The following RSPH14 variants were observed in gnomAD, a reference collection of about 807,000 sequenced individuals.
The protein encoded by RSPH14 is rhabdoid tumor deletion region gene 1.
RSPH14 carries 20 observed loss-of-function variants against 26.7 expected under a neutral mutation model. The ratio of observed to expected loss-of-function variants is 0.75; its 90% CI spans 0.53 to 1.09. RSPH14 has a LOEUF of 1.09. Ranked by LOEUF, RSPH14 falls within the 50% of genes least tolerant of loss-of-function variation. The pLI is 0.00. For synonymous variants in RSPH14, 177 were observed against 189.3 expected (o/e 0.93, Z 0.53); for missense variants, 449 against 457.2 (o/e 0.98, Z 0.16).
chr22:23,170,824 CAT>C, the RSPH14 span, among the ~76,000 whole-genome samples: 17 of 150,352 alleles, frequency 1.1e-4, no homozygotes, highest in Non-Finnish European at 1.2e-4. Context: ...GTTAGAATTT[CAT>C]ATATATATAT....
chr22:23,151,465 G>A, the RSPH14 span, among the ~76,000 whole-genome samples: 1 of 152,230 alleles, frequency 6.6e-6, no homozygotes, highest in South Asian at 2.1e-4. Context: ...CAGGTCACCA[G>A]GTGACACAGT....
the RSPH14 span, chr22:23,164,443 G>C: frequency 6.6e-6 from 1 of 152,208 alleles, no homozygotes; most frequent in Non-Finnish European, 1.5e-5. Flanking sequence ...GAAGAGTAAG[G>C]TCGCCACGGA....
At chr22:23,107,809 CG>C (rs1471195094) in intron 4 of RSPH14, among the ~76,000 whole-genome samples, 1 of 152,176 alleles carries the variant, frequency 6.6e-6, no homozygotes, top group East Asian at 1.9e-4. Context: ...GTTTTAAAGC[CG>C]GAAGAGCACC....
Position 23,071,747 on chromosome 22 carries a change from G to T in RSPH14, c.422-7614C>A, listed in dbSNP as rs548778418. 6.6e-6 allele frequency among the ~76,000 whole-genome samples: 1 copy of T among 152,188 alleles called. No individual in the cohort carries two copies. The highest frequency in any genetic ancestry group is 6.5e-5 in the Admixed American group (1 of 15,290). Reference sequence around the variant, plus strand: ...GGACCTCAGAGTGGTGTCCTGGGCTGGGGGGTCAGGTGAGCTCGTGGGCAA... The same window carrying T: ...GGACCTCAGAGTGGTGTCCTGGGCTTGGGGGTCAGGTGAGCTCGTGGGCAA... On this transcript the variant is annotated intron_variant, in intron 4 of 6. Coordinates refer to ENST00000216036, the MANE Select transcript of RSPH14 (RefSeq NM_014433.3). This position sits in a 1 kb window ranked among gnomAD's most constrained non-coding sequence, Gnocchi z 4.1.
the RSPH14 span, among the ~76,000 whole-genome samples, chr22:23,172,538 T>TA: frequency 1.5e-5 from 2 of 135,310 alleles, no homozygotes; most frequent in African/African-American, 2.9e-5. Flanking sequence ...CCATCTCTAC[T>TA]AAAAAAATAC....
chr22:23,161,490 C>G, the RSPH14 span: 1 of 1,603,896 alleles, frequency 6.2e-7, no homozygotes, highest in Non-Finnish European at 8.5e-7. Flanking sequence ...TACTTCTCCC[C>G]TCCTTACAGA....
intron 4 of RSPH14, among the ~76,000 whole-genome samples, chr22:23,086,161 A>G (rs2068815878): frequency 6.6e-6 from 1 of 152,264 alleles, no homozygotes; most frequent in Non-Finnish European, 1.5e-5. Flanking sequence ...AAAGGCAGTC[A>G]ATTTAAAGAA....
chr22:23,130,411 C>T (rs1406624886), intron 4 of RSPH14, among the ~76,000 whole-genome samples: 2 of 149,042 alleles, frequency 1.3e-5, no homozygotes, highest in Non-Finnish European at 3.0e-5. Flanking sequence ...GCTGAGACTG[C>T]ACCAGTGCAC....
chr22:23,134,141 G>A lies in RSPH14; in HGVS notation c.306C>T (p.Tyr102=), dbSNP rs532637699. 4.8e-5 allele frequency: 77 copies of A among 1,604,070 alleles called. No homozygotes were observed. Among genetic ancestry groups the A allele is most frequent in the South Asian group, 3.8e-4 (34 of 90,656 alleles). The part of the protein sequence containing the change: ...HITASHSVGR[Y]AFLEHDIVLA... ...GGACGATGTCGTGCTCTAGAAAGGC[G>A]TATCTAGGGAAGGGAGGGTGGACAG... The change falls in exon 4 of 7, where the codon TAC becomes TAT. Residue 102 remains tyrosine, a synonymous_variant. Transcript: ENST00000216036.
chr22:23,089,942 A>T (rs1601779979), intron 4 of RSPH14, among the ~76,000 whole-genome samples: 1 of 152,244 alleles, frequency 6.6e-6, no homozygotes, highest in Middle Eastern at 3.4e-3. Context: ...AGCACAGCCC[A>T]CTAGGGCTTC....
the RSPH14 span, chr22:23,180,058 G>A: frequency 1.4e-5 from 5 of 348,778 alleles, no homozygotes; most frequent in African/African-American, 4.3e-5. Flanking sequence ...AGGGGCAGAG[G>A]GGGGAGGTTG....
At chr22:23,159,734 C>G in the RSPH14 span, among the ~76,000 whole-genome samples, 1 of 152,198 alleles carries the variant, frequency 6.6e-6, no homozygotes, top group Non-Finnish European at 1.5e-5. Flanking sequence ...TAGAGAAGGG[C>G]CCAGTGACAG....
chr22:23,095,515 T>C, intron 4 of RSPH14: 1 of 656,390 alleles, frequency 1.5e-6, no homozygotes, highest in Non-Finnish European at 2.6e-6. Flanking sequence ...CAGAGCGCCA[T>C]GCCGGCTGGA....
chr22:23,065,987 G>A (rs2068202818), intron 4 of RSPH14, among the ~76,000 whole-genome samples: 1 of 152,020 alleles, frequency 6.6e-6, no homozygotes, highest in Non-Finnish European at 1.5e-5. Flanking sequence ...TCCTGCTCCC[G>A]CTCTGCTTCC....
chr22:23,180,015 G>A, the RSPH14 span: 1 of 362,350 alleles, frequency 2.8e-6, no homozygotes, highest in Admixed American at 4.2e-5. Context: ...CGACTGGGCA[G>A]TGCCGGTGAC....
At chr22:23,077,168 C>A (rs1266004533) in intron 4 of RSPH14, among the ~76,000 whole-genome samples, 1 of 152,104 alleles carries the variant, frequency 6.6e-6, no homozygotes, top group Non-Finnish European at 1.5e-5. Context: ...ACCACTGTAC[C>A]CCCTCCTATC....
chr22:23,117,397 C>G (rs549490514), intron 4 of RSPH14, among the ~76,000 whole-genome samples: 8 of 152,244 alleles, frequency 5.3e-5, no homozygotes, highest in Non-Finnish European at 1.0e-4. Flanking sequence ...CCAGGCTGAC[C>G]TGGGCCCTGT....
chr22:23,094,914 G>T (rs2069079989), intron 4 of RSPH14, among the ~76,000 whole-genome samples: 1 of 152,246 alleles, frequency 6.6e-6, no homozygotes, highest in Non-Finnish European at 1.5e-5. Flanking sequence ...GCCCCAGGGG[G>T]CATCACAACA....
intron 6 of RSPH14, among the ~76,000 whole-genome samples, chr22:23,060,076 G>C (rs1224592742): frequency 1.3e-5 from 2 of 152,196 alleles, no homozygotes; most frequent in Non-Finnish European, 2.9e-5. Flanking sequence ...CTACTCAGGA[G>C]ACTGAGCGGG....
Sources: allele counts gnomAD v4.1 joint callset (sites outside exome capture counted in the v4.1 genomes callset), GRCh38; gene constraint gnomAD v4.1.1; non-coding constraint Gnocchi (gnomAD v3.1); transcripts MANE v1.5; gene names NCBI Gene and HGNC (gene_info 2026-07-23, HGNC 2026-07-21).